CBFA2T2: variants seen among roughly 807,000 people sequenced by gnomAD.
CBFA2T2 encodes protein CBFA2T2.
In CBFA2T2, 11 loss-of-function variants were observed where a neutral mutation model predicts 62.2. The ratio of observed to expected loss-of-function variants is 0.18; its 90% CI spans 0.11 to 0.29. CBFA2T2 has a LOEUF of 0.29. CBFA2T2 is among the 10% of genes least tolerant of loss of function. The pLI is 1.00. For synonymous variants in CBFA2T2, 295 were observed against 287.5 expected (o/e 1.03, Z -0.27); for missense variants, 592 against 774.1 (o/e 0.76, Z 2.79).
At chr20:33,576,099 A>G (rs1311237127) in intron 1 of CBFA2T2, among the ~76,000 whole-genome samples, 1 of 152,210 alleles carries the variant, frequency 6.6e-6, no homozygotes, top group African/African-American at 2.4e-5. Context: ...AGAGGTGTTT[A>G]TAAGAAGCTG....
chr20:33,625,005 C>T lies in CBFA2T2; in HGVS notation c.934C>T (p.His312Tyr). ...MLEHREVRDR[H>Y]HSLGLNGGYQ... Reference sequence around the variant, plus strand: ...AGAGCATCGAGAAGTTCGTGATAGACACCACAGTCTTGGTAAGCAACCGAA... The same window carrying T: ...AGAGCATCGAGAAGTTCGTGATAGATACCACAGTCTTGGTAAGCAACCGAA... The change falls in exon 6 of 11, where the codon CAC becomes TAC. Residue 312 changes from histidine (H) to tyrosine (Y), a missense_variant. His to Tyr is a moderately conservative substitution (Grantham distance 83, BLOSUM62 2). Around this residue, in one of 3 missense-constraint regions of CBFA2T2, gnomAD observed 449 missense variants for 551.2 expected, o/e 0.81. Coordinates refer to ENST00000342704, the MANE Select transcript of CBFA2T2 (RefSeq NM_001032999.3). The T allele has an allele frequency of 6.2e-7, 1 of 1,613,612 alleles. No individual in the cohort carries two copies. The highest frequency in any genetic ancestry group is 8.5e-7 in the Non-Finnish European group (1 of 1,179,654).
At chr20:33,495,257 C>T (rs1188706312) in intron 1 of CBFA2T2, among the ~76,000 whole-genome samples, 51 of 151,364 alleles carry the variant, frequency 3.4e-4, no homozygotes, top group Non-Finnish European at 1.5e-5. Flanking sequence ...AAGAAGCTGG[C>T]TGTGGTAGCG....
intron 8 of CBFA2T2, among the ~76,000 whole-genome samples, chr20:33,633,279 C>T (rs1030646597): frequency 1.3e-5 from 2 of 151,594 alleles, no homozygotes; most frequent in African/African-American, 4.9e-5. Flanking sequence ...GGCTGAGGCA[C>T]GAGAATCACT....
rs768016581 is a variant in CBFA2T2 at position 33,611,296 on chromosome 20, G to C, written c.381G>C (p.Glu127Asp). 2 of 1,614,118 alleles carry C rather than the reference G, an allele frequency of 1.2e-6. No homozygotes were observed. Among genetic ancestry groups the C allele is most frequent in the East Asian group, 2.2e-5 (1 of 44,880 alleles). ...AGTTTGGCAATGACATCTCCCCTGA[G>C]ATTGGGGAGAAGGTGCGGACTCTTG... ...LQQFGNDISP[E>D]IGEKVRTLVL... The change falls in exon 3 of 11, where the codon GAG becomes GAC. Residue 127 changes from glutamate to aspartate, a missense_variant. Coordinates refer to ENST00000342704, the MANE Select transcript of CBFA2T2 (RefSeq NM_001032999.3).
At chr20:33,574,057 G>A in intron 1 of CBFA2T2, 1 of 1,441,478 alleles carries the variant, frequency 6.9e-7, no homozygotes, top group Non-Finnish European at 9.3e-7. Context: ...CCAAAGTGCT[G>A]GGATTACAGG....
intron 1 of CBFA2T2, among the ~76,000 whole-genome samples, chr20:33,516,531 C>T (rs1262565436): frequency 6.6e-6 from 1 of 151,922 alleles, no homozygotes; most frequent in Non-Finnish European, 1.5e-5. Flanking sequence ...TCCTAGACTT[C>T]GGGAGGCCGA....
intron 1 of CBFA2T2, 133 bp downstream of exon 1, chr20:33,490,434 C>T: frequency 1.1e-6 from 1 of 940,690 alleles, no homozygotes; most frequent in South Asian, 5.4e-5. Context: ...GCGGCGGATC[C>T]AAGGTCACGC....
At chr20:33,571,661 A>G (rs2013573918) in intron 1 of CBFA2T2, among the ~76,000 whole-genome samples, 1 of 152,172 alleles carries the variant, frequency 6.6e-6, no homozygotes, top group African/African-American at 2.4e-5. Context: ...GTCACTTTGC[A>G]TATTTATCAC....
At chr20:33,610,728 A>G (rs1479030202) in intron 2 of CBFA2T2, among the ~76,000 whole-genome samples, 6 of 152,108 alleles carry the variant, frequency 3.9e-5, no homozygotes, top group Non-Finnish European at 8.8e-5. Context: ...AGGAGATGCA[A>G]TGTAAAAGAT....
intron 1 of CBFA2T2, among the ~76,000 whole-genome samples, chr20:33,544,823 G>A (rs2012492766): frequency 6.6e-6 from 1 of 152,164 alleles, no homozygotes; most frequent in African/African-American, 2.4e-5. Context: ...GGAATTACAG[G>A]CGTGAGCCAC....
chr20:33,619,697 C>T, intron 4 of CBFA2T2, 91 bp downstream of exon 4: 1 of 898,176 alleles, frequency 1.1e-6, no homozygotes, highest in Non-Finnish European at 1.7e-6. Context: ...GAGCCGCTTG[C>T]CACGTTTTTA....
At chr20:33,545,007 GAAT>G (rs1568810967) in intron 1 of CBFA2T2, among the ~76,000 whole-genome samples, 1 of 144,562 alleles carries the variant, frequency 6.9e-6, no homozygotes, top group Non-Finnish European at 1.5e-5. Context: ...GAATAGAATA[GAAT>G]AGAACAGAAC....
intron 2 of CBFA2T2, among the ~76,000 whole-genome samples, chr20:33,608,344 T>C (rs945450202): frequency 6.6e-6 from 1 of 152,252 alleles, no homozygotes; most frequent in African/African-American, 2.4e-5. Context: ...AGATGCTGTA[T>C]GTATTGTTTC....
chr20:33,592,777 T>TATGAG (rs1223242232), intron 1 of CBFA2T2, among the ~76,000 whole-genome samples: 24 of 152,138 alleles, frequency 1.6e-4, no homozygotes, highest in African/African-American at 5.8e-4. Flanking sequence ...AATGGGTCAC[T>TATGAG]GCCACTTAAA....
intron 1 of CBFA2T2, among the ~76,000 whole-genome samples, chr20:33,538,690 T>G (rs2012330574): frequency 1.3e-5 from 2 of 152,182 alleles, no homozygotes; most frequent in South Asian, 4.1e-4. Context: ...TGTACATCAT[T>G]TGCAAATAAG....
At chr20:33,572,046 A>G (rs1479630371) in intron 1 of CBFA2T2, among the ~76,000 whole-genome samples, 1 of 152,090 alleles carries the variant, frequency 6.6e-6, no homozygotes, top group Non-Finnish European at 1.5e-5. Context: ...GCCTGCCACC[A>G]CGGGCCTGGC....
Position 33,548,965 on chromosome 20 carries a change from TGTCCATCC to T in CBFA2T2, c.35-57982_35-57975del, listed in dbSNP as rs1392245693. On this transcript the variant is annotated intron_variant, in intron 1 of 10. Coordinates refer to ENST00000342704, the MANE Select transcript of CBFA2T2 (RefSeq NM_001032999.3). ...ATGATAGAGCAAGACCCTGTCCATC[TGTCCATCC>T]GTCCATCCATCCATCCATCCATCCA... is the stretch of plus-strand genomic sequence containing the variant. 4.9e-4 allele frequency among the ~76,000 whole-genome samples: 73 copies of T among 148,622 alleles called. 1 individual carries two copies. Among genetic ancestry groups the T allele is most frequent in the African/African-American group, 1.0e-3 (40 of 39,070 alleles).
intron 1 of CBFA2T2, among the ~76,000 whole-genome samples, chr20:33,560,007 A>T (rs748934620): frequency 6.6e-6 from 1 of 152,140 alleles, no homozygotes. Flanking sequence ...GCTATTTAGG[A>T]TCCATAATCT....
In CBFA2T2 at chr20:33,515,820, A is replaced by AAAAT. The variant is rs1362939809; in HGVS notation, c.34+25520_34+25521insAATA. Among the ~76,000 whole-genome samples the AAAAT allele has an allele frequency of 6.6e-4, 99 of 149,232 alleles. 2 individuals are homozygous for AAAAT. The highest frequency in any genetic ancestry group is 1.3e-3 in the Non-Finnish European group (87 of 66,830). ...CCATCTCAAAAAAAAAAAAAAAAAA[A>AAAAT]ACGGGGCGGGGGGAATATCTTATAA... On this transcript the variant is annotated intron_variant, in intron 1 of 10. Transcript: ENST00000342704.
Sources: gnomAD v4.1 joint callset for allele counts (sites outside exome capture counted in the v4.1 genomes callset) on GRCh38, gnomAD v4.1.1 for gene constraint, gnomAD v4.1.1 regional missense constraint, MANE v1.5 for transcripts, NCBI Gene and HGNC (gene_info 2026-07-23, HGNC 2026-07-21) for gene names.